The following GPCPD1 variants were observed in gnomAD, a reference collection of about 807,000 sequenced individuals.
GPCPD1 encodes the protein glycerophosphocholine phosphodiesterase GPCPD1.
In GPCPD1, 29 loss-of-function variants were observed where a neutral mutation model predicts 89.2. The observed-to-expected ratio is 0.33, with a 90% CI of 0.24 to 0.44. GPCPD1 has a LOEUF of 0.44. GPCPD1 is among the 20% of genes least tolerant of loss of function. The pLI is 1.00. For synonymous variants in GPCPD1, 258 were observed against 266.3 expected, an observed-to-expected ratio of 0.97 and a Z score of 0.30; for missense variants, 594 against 808.9, an observed-to-expected ratio of 0.73 and a Z score of 3.22.
At chr20:5,579,529 G>A (rs1006288364) in intron 7 of GPCPD1, among the ~76,000 whole-genome samples, 1 of 152,040 alleles carries the variant, frequency 6.6e-6, no homozygotes, top group Non-Finnish European at 1.5e-5. Context: ...TGTATTTTTA[G>A]TAGAGACGTG....
chr20:5,568,652 C>T (rs1024325465), intron 12 of GPCPD1, among the ~76,000 whole-genome samples: 1 of 152,138 alleles, frequency 6.6e-6, no homozygotes, highest in African/African-American at 2.4e-5. Flanking sequence ...CATCTGTAAT[C>T]CCAGCACTTT....
At chr20:5,578,745 G>A in intron 7 of GPCPD1, 134 bp from the exon 8 acceptor site, 3 of 632,358 alleles carry the variant, frequency 4.7e-6, no homozygotes, top group South Asian at 1.9e-5. Flanking sequence ...AATGTATTAT[G>A]CAAAGATTAC....
At chr20:5,564,393 C>G (rs1485725099) in intron 15 of GPCPD1, among the ~76,000 whole-genome samples, 1 of 151,548 alleles carries the variant, frequency 6.6e-6, no homozygotes, top group Non-Finnish European at 1.5e-5. Flanking sequence ...TACCTGTGCC[C>G]TCTCCTTCCC....
intron 16 of GPCPD1, among the ~76,000 whole-genome samples, chr20:5,560,398 CTT>C (rs1423305612): frequency 2.6e-5 from 4 of 152,270 alleles, no homozygotes; most frequent in African/African-American, 9.6e-5. Flanking sequence ...TCTGCTATGA[CTT>C]TATTTCCATA....
At chr20:5,590,207 C>A (rs981656672) in intron 4 of GPCPD1, among the ~76,000 whole-genome samples, 5 of 152,186 alleles carry the variant, frequency 3.3e-5, no homozygotes, top group Non-Finnish European at 7.4e-5. Flanking sequence ...GATTGTTTTT[C>A]TTCCACAATT....
chr20:5,567,562 T>TA lies in GPCPD1; in HGVS notation c.1150-3dup, dbSNP rs11475275. 1,666 of 1,295,574 alleles carry TA rather than the reference T, an allele frequency of 1.3e-3. No individual in the cohort carries two copies. The highest frequency in any genetic ancestry group is 2.9e-3 in the South Asian group (185 of 63,518). 80.3% of individuals were successfully genotyped at this position (1,295,574 alleles called of 1,614,324 possible). A position where few individuals can be genotyped will look rare whatever the true frequency, so the allele number is the denominator to read the frequency against. ...TTCAACTGGATCAGCATCAAATTTC[T>TA]AAAAAAAAAAAAAAAAGAAAGAAAG... On this transcript the variant is annotated splice_region_variant and splice_polypyrimidine_tract_variant and intron_variant, in intron 12 of 19. Transcript: ENST00000379019.
At chr20:5,556,008 C>A (rs969200444) in intron 19 of GPCPD1, among the ~76,000 whole-genome samples, 1 of 152,194 alleles carries the variant, frequency 6.6e-6, no homozygotes, top group Non-Finnish European at 1.5e-5. Context: ...GCCACAGCCA[C>A]CTCAACCTTC....
chr20:5,564,755 C>T (rs1406629988), intron 15 of GPCPD1, among the ~76,000 whole-genome samples: 1 of 152,050 alleles, frequency 6.6e-6, no homozygotes, highest in Non-Finnish European at 1.5e-5. Flanking sequence ...GTGGGAGGAT[C>T]GCTTGAGCCA....
chr20:5,575,703 T>C (rs1978287165), intron 9 of GPCPD1, 113 bp downstream of exon 9: 1 of 896,946 alleles, frequency 1.1e-6, no homozygotes, highest in South Asian at 1.7e-5. Context: ...GCTCCTTAAA[T>C]TGATACTAAA....
intron 6 of GPCPD1, among the ~76,000 whole-genome samples, chr20:5,580,845 T>C (rs1028908518): frequency 3.3e-5 from 5 of 151,592 alleles, no homozygotes; most frequent in African/African-American, 1.2e-4. Context: ...ATCAATATCA[T>C]CTTTGAAAAA....
chr20:5,561,614 A>G (rs1327881032), intron 15 of GPCPD1, 84 bp from the exon 16 acceptor site: 2 of 646,688 alleles, frequency 3.1e-6, no homozygotes, highest in Admixed American at 5.4e-5. Context: ...ATTATTACTA[A>G]AAATAATAAG....
At chr20:5,606,160 A>G (rs1980568448) in intron 1 of GPCPD1, among the ~76,000 whole-genome samples, 1 of 152,236 alleles carries the variant, frequency 6.6e-6, no homozygotes, top group African/African-American at 2.4e-5. Flanking sequence ...AAAGGAATAT[A>G]AAAAATAGCT....
chr20:5,608,633 A>G (rs78038775), intron 1 of GPCPD1, among the ~76,000 whole-genome samples: 1 of 148,014 alleles, frequency 6.8e-6, no homozygotes, highest in South Asian at 2.1e-4. Context: ...AAAAAAAAAA[A>G]TCACAACTTG....
chr20:5,593,562 G>A, intron 3 of GPCPD1, 151 bp from the exon 4 acceptor site: 1 of 557,506 alleles, frequency 1.8e-6, no homozygotes, highest in Non-Finnish European at 3.2e-6. Flanking sequence ...TCTGTAGCAG[G>A]CAATGGGAAC....
At chr20:5,606,492 T>G (rs975546199) in intron 1 of GPCPD1, among the ~76,000 whole-genome samples, 5 of 152,182 alleles carry the variant, frequency 3.3e-5, no homozygotes, top group African/African-American at 7.2e-5. Context: ...CCTGAATCAT[T>G]TAATGAACAC....
In GPCPD1 at chr20:5,565,179, AGAGT is replaced by A. The variant is rs775152659; in HGVS notation, c.1268-105_1268-102del. 806 of 723,648 alleles carry A rather than the reference AGAGT, an allele frequency of 1.1e-3. 2 individuals carry two copies. Among genetic ancestry groups the A allele is most frequent in the Non-Finnish European group, 1.7e-3 (691 of 399,844 alleles). The allele number at this position is 723,648 out of a possible 1,614,324, so 44.8% of individuals were successfully genotyped here. ...CCAAAAAAAACAGGGAAAGAGAGAG[AGAGT>A]GTGTGTGTGAGCAAGCGCGAGAGCA... On this transcript the variant is annotated intron_variant, in intron 14 of 19. Transcript: ENST00000379019.
intron 19 of GPCPD1, among the ~76,000 whole-genome samples, chr20:5,555,706 ATT>A (rs774665229): frequency 6.6e-6 from 1 of 151,990 alleles, no homozygotes; most frequent in African/African-American, 2.4e-5. Context: ...AAATACAAAA[ATT>A]AGCCAGGCAT....
At chr20:5,551,934 C>G (rs1022937077) in intron 19 of GPCPD1, among the ~76,000 whole-genome samples, 5 of 152,130 alleles carry the variant, frequency 3.3e-5, no homozygotes, top group Admixed American at 6.5e-5. Context: ...CTCCAAGTCA[C>G]TAATCATTCA....
chr20:5,575,578 T>C (rs1212487598), intron 9 of GPCPD1, 33 bp from the exon 10 acceptor site: 3 of 1,427,884 alleles, frequency 2.1e-6, no homozygotes, highest in Non-Finnish European at 2.0e-6. Flanking sequence ...GGAACAAAAA[T>C]AAAAATGATT....
Sources: allele counts gnomAD v4.1 joint callset (sites outside exome capture counted in the v4.1 genomes callset), GRCh38; gene constraint gnomAD v4.1.1; transcripts MANE v1.5; gene names NCBI Gene and HGNC (gene_info 2026-07-23, HGNC 2026-07-21).